Variants in RNF157 observed in about 807,000 individuals in gnomAD.
The protein encoded by RNF157 is ring finger protein 157.
A neutral mutation model predicts 88.3 loss-of-function variants in RNF157; 55 were observed. That is an observed-to-expected ratio of 0.62 (90% CI 0.50 to 0.78). RNF157 has a LOEUF of 0.78. RNF157 is among the 30% of genes least tolerant of loss of function. RNF157 has a pLI of 0.00. For missense variants in RNF157, 788 were observed against 860.8 expected (o/e 0.92, Z 1.06); for synonymous variants, 334 against 341.2 (o/e 0.98, Z 0.23).
At chr17:76,188,739 TG>T (rs1208406111) in intron 2 of RNF157, among the ~76,000 whole-genome samples, 1 of 152,154 alleles carries the variant, frequency 6.6e-6, no homozygotes, top group Non-Finnish European at 1.5e-5. Flanking sequence ...CATAATTAAG[TG>T]GGAAGTCAAA....
chr17:76,143,833 C>A lies in RNF157; in HGVS notation c.*1402G>T, dbSNP rs925968379. The A allele has an allele frequency of 6.6e-6, 1 of 152,026 alleles. No individual in the cohort carries two copies. The highest frequency in any genetic ancestry group is 1.9e-4 in the East Asian group (1 of 5,182). 9.4% of individuals were successfully genotyped at this position (152,026 alleles called of 1,614,324 possible). On this transcript the variant is annotated 3_prime_UTR_variant, in exon 19 of 19. Transcript: ENST00000269391. Reference sequence around the variant, plus strand: ...TAGCCCAGGCTGGAGTGCAGTGGCACGATCTTGGCTCACCGCAACCTCCAC... The same window carrying A: ...TAGCCCAGGCTGGAGTGCAGTGGCAAGATCTTGGCTCACCGCAACCTCCAC...
intron 1 of RNF157, chr17:76,226,113 G>A: frequency 1.2e-6 from 2 of 1,601,200 alleles, no homozygotes; most frequent in Non-Finnish European, 1.7e-6. Flanking sequence ...CTATGCTGAG[G>A]AGACCCCAGA....
intron 7 of RNF157, among the ~76,000 whole-genome samples, chr17:76,165,298 T>A (rs1197004628): frequency 6.6e-6 from 1 of 152,156 alleles, no homozygotes; most frequent in Non-Finnish European, 1.5e-5. Flanking sequence ...TATTTATTTA[T>A]TTTTTTTGAG....
intron 3 of RNF157, 83 bp from the exon 4 acceptor site, chr17:76,167,880 T>C: frequency 1.5e-6 from 2 of 1,306,940 alleles, no homozygotes; most frequent in East Asian, 2.3e-5. Flanking sequence ...CAATATATTG[T>C]GGGCTTCTCT....
chr17:76,180,019 A>C (rs1475388742), intron 2 of RNF157, among the ~76,000 whole-genome samples: 1 of 152,180 alleles, frequency 6.6e-6, no homozygotes, highest in African/African-American at 2.4e-5. Context: ...TTCTGATGTA[A>C]GCATCCTGGC....
chr17:76,210,756 G>A (rs913156008), intron 2 of RNF157, among the ~76,000 whole-genome samples: 5 of 151,868 alleles, frequency 3.3e-5, no homozygotes, highest in Non-Finnish European at 5.9e-5. Context: ...TATTCCTCAC[G>A]GTCTACAGGA....
chr17:76,158,511 T>A lies in RNF157; in HGVS notation c.1305-10A>T. ...GTTTTGGGAAGTGGATCTGTAGGAG[T>A]CCAGTGGAAAAGCAGCTATATCCAA... On this transcript the variant is annotated splice_polypyrimidine_tract_variant and intron_variant, in intron 12 of 18. Coordinates refer to ENST00000269391, the MANE Select transcript of RNF157 (RefSeq NM_052916.3). The A allele has an allele frequency of 6.3e-7, 1 of 1,591,342 alleles. No individual in the cohort carries two copies. The highest frequency in any genetic ancestry group is 8.6e-7 in the Non-Finnish European group (1 of 1,159,796).
intron 1 of RNF157, among the ~76,000 whole-genome samples, chr17:76,237,123 A>T (rs1268879379): frequency 2.0e-5 from 3 of 152,208 alleles, no homozygotes; most frequent in Non-Finnish European, 4.4e-5. Context: ...ATTTCTATCT[A>T]CCTCTATTTA....
rs910564728 is a variant in RNF157, at chr17:76,156,495, G to A, written c.1414-174C>T. 9.9e-6 allele frequency: 14 copies of A among 1,417,326 alleles called. No individual in the cohort carries two copies. In the African/African-American group the frequency reaches 1.4e-4, roughly 15 times the overall value. The allele number at this position is 1,417,326 out of a possible 1,614,324, so 87.8% of individuals were successfully genotyped here. Reference sequence around the variant, plus strand: ...CTCTTCCGTCCTCACTTCAGCCCAAGCCTGGAATGACTGCCTCCCAGGGGA... The same window carrying A: ...CTCTTCCGTCCTCACTTCAGCCCAAACCTGGAATGACTGCCTCCCAGGGGA... On this transcript the variant is annotated intron_variant, in intron 13 of 18. Coordinates refer to ENST00000269391, the MANE Select transcript of RNF157 (RefSeq NM_052916.3).
chr17:76,226,207 G>A (rs112328827), intron 1 of RNF157: 12 of 1,611,600 alleles, frequency 7.4e-6, no homozygotes, highest in Middle Eastern at 1.7e-4. Flanking sequence ...TCATGGCAAC[G>A]TAAGCAGTGG....
At chr17:76,162,725 G>T in intron 8 of RNF157, 102 bp from the exon 9 acceptor site, 1 of 659,658 alleles carries the variant, frequency 1.5e-6, no homozygotes, top group African/African-American at 1.9e-5. Context: ...AAGGACTACC[G>T]ATTCATAATG....
At chr17:76,221,266 A>G (rs2069978099) in intron 1 of RNF157, among the ~76,000 whole-genome samples, 1 of 152,176 alleles carries the variant, frequency 6.6e-6, no homozygotes, top group African/African-American at 2.4e-5. Context: ...AAAAAAGACA[A>G]CCAGATACAC....
intron 2 of RNF157, among the ~76,000 whole-genome samples, chr17:76,209,784 G>A (rs1204253654): frequency 6.6e-6 from 1 of 152,114 alleles, no homozygotes; most frequent in Non-Finnish European, 1.5e-5. Flanking sequence ...TTTTGAGACG[G>A]AGTCTCACTC....
chr17:76,225,763 T>C, intron 1 of RNF157: 3 of 1,530,584 alleles, frequency 2.0e-6, no homozygotes, highest in Non-Finnish European at 2.6e-6. Flanking sequence ...AGGGGACCCT[T>C]TTCTTCCCCC....
intron 3 of RNF157, among the ~76,000 whole-genome samples, chr17:76,173,243 G>A (rs1013317720): frequency 2.6e-5 from 4 of 151,562 alleles, no homozygotes; most frequent in South Asian, 4.2e-4. Flanking sequence ...CCGAGATTGC[G>A]CCACTGCACT....
At chr17:76,166,559 A>G (rs79929195) in intron 5 of RNF157, 32 bp from the exon 6 acceptor site, 20 of 1,578,952 alleles carry the variant, frequency 1.3e-5, no homozygotes, top group East Asian at 2.2e-5. Context: ...GGAAAAAAAA[A>G]GAGGACTTAA....
intron 18 of RNF157, among the ~76,000 whole-genome samples, chr17:76,150,624 G>C (rs991599621): frequency 7.1e-5 from 9 of 127,374 alleles, no homozygotes; most frequent in Non-Finnish European, 1.5e-4. Flanking sequence ...AGCTAAGAAA[G>C]AGACATCATC....
intron 2 of RNF157, among the ~76,000 whole-genome samples, chr17:76,207,658 T>C (rs1378164041): frequency 6.6e-6 from 1 of 152,222 alleles, no homozygotes; most frequent in Non-Finnish European, 1.5e-5. Flanking sequence ...CGCATGCTGC[T>C]GGATGGCTTT....
chr17:76,216,777 G>A (rs1598437184), intron 1 of RNF157, among the ~76,000 whole-genome samples: 1 of 152,100 alleles, frequency 6.6e-6, no homozygotes, highest in East Asian at 1.9e-4. Flanking sequence ...TGTGGTCCCA[G>A]CTACTCAATA....
Sources: allele counts gnomAD v4.1 joint callset (sites outside exome capture counted in the v4.1 genomes callset), GRCh38; gene constraint gnomAD v4.1.1; transcripts MANE v1.5; gene names NCBI Gene and HGNC (gene_info 2026-07-23, HGNC 2026-07-21).